Variants in BTN3A3 observed in about 807,000 individuals in gnomAD.
BTN3A3 encodes butyrophilin 3.
Under a neutral mutation model 43.2 loss-of-function variants are expected in BTN3A3, and 39 were observed. The observed-to-expected ratio is 0.90, with a 90% CI of 0.70 to 1.18. The LOEUF (loss-of-function observed/expected upper bound fraction) is 1.18. Among genes scored for constraint, BTN3A3 ranks in the 50% most tolerant of loss-of-function variants. BTN3A3 has a pLI of 0.00. For synonymous variants in BTN3A3, 255 were observed against 272.7 expected (o/e 0.93, Z 0.64); for missense variants, 631 against 722.8 (o/e 0.87, Z 1.46).
intron 5 of BTN3A3, among the ~76,000 whole-genome samples, chr6:26,448,012 A>G (rs1202308193): frequency 6.6e-6 from 1 of 152,196 alleles, no homozygotes; most frequent in African/African-American, 2.4e-5. Flanking sequence ...ACTCTGCTGA[A>G]GTTAATTTCC....
At chr6:26,446,667 G>T (rs1453701640) in intron 5 of BTN3A3, among the ~76,000 whole-genome samples, 1 of 152,048 alleles carries the variant, frequency 6.6e-6, no homozygotes, top group Non-Finnish European at 1.5e-5. Context: ...TCCAGTTCTG[G>T]GATATGCTTG....
rs1481656885 is a variant in BTN3A3, at chr6:26,444,148, T to C, written c.277T>C (p.Tyr93His). 1.9e-6 allele frequency: 3 copies of C among 1,612,358 alleles called. No homozygotes were observed. Among genetic ancestry groups the C allele is most frequent in the African/African-American group, 1.3e-5 (1 of 74,876 alleles). Residue 93 changes from tyrosine to histidine, a missense_variant, in exon 4 of 11, where the codon TAT becomes CAT. Physicochemically the swap from Tyr to His is moderately conservative, Grantham distance 83. Coordinates refer to ENST00000244519, the MANE Select transcript of BTN3A3 (RefSeq NM_006994.5). Reference sequence around the variant, plus strand: ...AGTGGAAGACAGGCAGAGTGCACCGTATCGAGGGAGAACTTCGATTCTGCG... The same window carrying C: ...AGTGGAAGACAGGCAGAGTGCACCGCATCGAGGGAGAACTTCGATTCTGCG... ...KEVEDRQSAPYRGRTSILRDG... is the reference protein window; with the variant it reads ...KEVEDRQSAPHRGRTSILRDG...
rs1203975960 is a variant in BTN3A3 at position 26,445,830 on chromosome 6, TC to T, written c.563del (p.Pro188ArgfsTer17). On this transcript the variant is annotated frameshift_variant, in exon 5 of 11. Transcript: ENST00000244519. LOFTEE classifies it high-confidence loss of function. ...TGGAGCGACACCAAGGGAGAGAACA[TC>T]CCGGCTGTGGAAGCACCTGTGGTTG... is the stretch of plus-strand genomic sequence containing the variant. ...IKWSDTKGENIPAVEAPVVAD... is the reference protein window; with the variant it reads ...IKWSDTKGENXPAVEAPVVAD... 6.2e-7 allele frequency: 1 copy of T among 1,614,134 alleles called. No homozygotes were observed. The highest frequency in any genetic ancestry group is 8.5e-7 in the Non-Finnish European group (1 of 1,180,030).
intron 1 of BTN3A3, among the ~76,000 whole-genome samples, chr6:26,441,807 A>C (rs1762643577): frequency 6.6e-6 from 1 of 152,214 alleles, no homozygotes; most frequent in Admixed American, 6.5e-5. Context: ...CTAAGATTGC[A>C]GGCATGAGCC....
rs1762976482 is a variant in BTN3A3, at chr6:26,453,410, T to A, written c.*999T>A. 6.6e-6 allele frequency: 1 copy of A among 152,228 alleles called. No homozygotes were observed. The allele number at this position is 152,228 out of a possible 1,614,324, so 9.4% of individuals were successfully genotyped here. The stretch of plus-strand genomic sequence containing the variant: ...AGTTGTTCAATAAATGTGTTAATAA[T>A]GCTTACTCCTCAGCTTGGCTTTTTC... On this transcript the variant is annotated 3_prime_UTR_variant, in exon 11 of 11. Transcript: ENST00000244519.
chr6:26,447,765 T>G (rs1762819051), intron 5 of BTN3A3, among the ~76,000 whole-genome samples: 1 of 152,278 alleles, frequency 6.6e-6, no homozygotes, highest in South Asian at 2.1e-4. Flanking sequence ...AGAGGTTATG[T>G]AAGTAGTCCA....
At chr6:26,448,684 A>G (rs960199330) in intron 7 of BTN3A3, 44 bp from the exon 8 acceptor site, 1 of 1,613,682 alleles carries the variant, frequency 6.2e-7, no homozygotes, top group Middle Eastern at 1.6e-4. Flanking sequence ...TCTTATCCCC[A>G]CTTTGAGCAC....
rs1291383929 is a variant in BTN3A3, at chr6:26,445,828, C to G, written c.558C>G (p.Asn186Lys). ...QIKWSDTKGE[N>K]IPAVEAPVVA... The stretch of plus-strand genomic sequence containing the variant: ...AGTGGAGCGACACCAAGGGAGAGAA[C>G]ATCCCGGCTGTGGAAGCACCTGTGG... The change falls in exon 5 of 11, where the codon AAC (asparagine) becomes AAG (lysine). Residue 186 changes from asparagine to lysine, a missense_variant. Coordinates refer to ENST00000244519, the MANE Select transcript of BTN3A3 (RefSeq NM_006994.5). 1.9e-6 allele frequency: 3 copies of G among 1,614,110 alleles called. No homozygotes were observed. The highest frequency in any genetic ancestry group is 2.5e-6 in the Non-Finnish European group (3 of 1,180,054).
At chr6:26,447,065 A>G (rs1211794494) in intron 5 of BTN3A3, among the ~76,000 whole-genome samples, 2 of 152,120 alleles carry the variant, frequency 1.3e-5, no homozygotes, top group African/African-American at 4.8e-5. Flanking sequence ...ATGATTGTAT[A>G]AGGTTAGAAG....
chr6:26,440,675 TG>T (rs1463704242), intron 1 of BTN3A3, 27 bp downstream of exon 1: 2 of 152,408 alleles, frequency 1.3e-5, no homozygotes, highest in African/African-American at 2.4e-5. Context: ...GATTAGAGCC[TG>T]GGCTACAATG....
At position 26,444,462 on chromosome 6, in the gene BTN3A3, A is replaced by G. The variant is rs1762721078; in HGVS notation, c.433+158A>G. On this transcript the variant is annotated intron_variant, in intron 4 of 10. Coordinates refer to ENST00000244519, the MANE Select transcript of BTN3A3 (RefSeq NM_006994.5). ...CTTCTCTGCAACCCTTAAGAAAGAC[A>G]CATTCTTTCTTTAGAAAGAATTCCT... 2.6e-6 allele frequency: 3 copies of G among 1,173,178 alleles called. No homozygotes were observed. In the African/African-American group the frequency reaches 4.7e-5, roughly 18 times the overall value. 72.7% of individuals were successfully genotyped at this position (1,173,178 alleles called of 1,614,324 possible).
At chr6:26,450,960 G>A (rs1322533727) in intron 10 of BTN3A3, among the ~76,000 whole-genome samples, 2 of 152,092 alleles carry the variant, frequency 1.3e-5, no homozygotes, top group African/African-American at 4.8e-5. Context: ...CTTCTATCAG[G>A]GCCTCCCATT....
rs760945316 is a variant in BTN3A3, at chr6:26,448,294, G to A, written c.762G>A (p.Gly254=). Reference sequence around the variant, plus strand: ...AGCCCTGGATCGCGGCCCTGGCAGGGACCCTGCCTATCTCGTTGCTGCTTC... The same window carrying A: ...AGCCCTGGATCGCGGCCCTGGCAGGAACCCTGCCTATCTCGTTGCTGCTTC... ...SAQPWIAALA[G]TLPISLLLLA... The change falls in exon 6 of 11, where the codon GGG becomes GGA. Residue 254 remains glycine (G), a synonymous_variant. Transcript: ENST00000244519. 15 of 1,613,666 alleles carry A rather than the reference G, an allele frequency of 9.3e-6. No individual in the cohort carries two copies. The highest frequency in any genetic ancestry group is 1.7e-5 in the Admixed American group (1 of 59,966).
Position 26,443,942 on chromosome 6 carries a change from C to T in BTN3A3, c.86-15C>T. On this transcript the variant is annotated splice_polypyrimidine_tract_variant and intron_variant, in intron 3 of 10. Coordinates refer to ENST00000244519, the MANE Select transcript of BTN3A3 (RefSeq NM_006994.5). ...TCCAAAACCCTCTGATGGAGCTTCC[C>T]CCTTGTGCTGACAGCTCAGTTTTCT... The T allele has an allele frequency of 6.2e-7, 1 of 1,613,890 alleles. No individual in the cohort carries two copies. Among genetic ancestry groups the T allele is most frequent in the Non-Finnish European group, 8.5e-7 (1 of 1,179,832 alleles).
Position 26,445,873 on chromosome 6 carries a change from G to A in BTN3A3, c.603G>A (p.Leu201=). Residue 201 remains leucine (L), a synonymous_variant, in exon 5 of 11, where the codon CTG becomes CTA. Transcript: ENST00000244519. ...EAPVVADGVG[L]YAVAASVIMR... ...CTGTGGTTGCAGATGGAGTGGGCCTGTATGCAGTAGCAGCATCTGTGATCA... is the reference window on the plus strand; with the variant it reads ...CTGTGGTTGCAGATGGAGTGGGCCTATATGCAGTAGCAGCATCTGTGATCA... The A allele has an allele frequency of 1.2e-6, 2 of 1,614,220 alleles. No individual in the cohort carries two copies. Among genetic ancestry groups the A allele is most frequent in the Non-Finnish European group, 1.7e-6 (2 of 1,180,042 alleles).
Position 26,444,062 on chromosome 6 carries a change from A to T in BTN3A3, c.191A>T (p.Glu64Val), listed in dbSNP as rs765360688. 1.8e-5 allele frequency: 29 copies of T among 1,613,794 alleles called. No homozygotes were observed. Among genetic ancestry groups the T allele is most frequent in the Non-Finnish European group, 2.3e-5 (27 of 1,179,860 alleles). ...CCGACCATGAGTGCAGAGACCATGG[A>T]GCTGAGGTGGGTGAGTTCCAGCCTA... ...LFPTMSAETM[E>V]LRWVSSSLRQ... The change falls in exon 4 of 11, where the codon GAG (glutamate) becomes GTG (valine). Residue 64 changes from glutamate to valine, a missense_variant. This residue lies in a region of BTN3A3 where 80 missense variants were observed against 138.7 expected (regional missense o/e 0.58). Coordinates refer to ENST00000244519, the MANE Select transcript of BTN3A3 (RefSeq NM_006994.5).
intron 5 of BTN3A3, among the ~76,000 whole-genome samples, chr6:26,447,527 T>C (rs1046593482): frequency 4.6e-5 from 7 of 152,176 alleles, no homozygotes; most frequent in African/African-American, 1.7e-4. Flanking sequence ...TATGCCCAGC[T>C]AATTTTTGTA....
chr6:26,443,799 G>A lies in BTN3A3; in HGVS notation c.85+140G>A, dbSNP rs1227860590. ...CATACCTGGAAGTCCATCCCAACCTGAAGGACCACCTGTCACAAAGAGACA... is the reference window on the plus strand; with the variant it reads ...CATACCTGGAAGTCCATCCCAACCTAAAGGACCACCTGTCACAAAGAGACA... On this transcript the variant is annotated intron_variant, in intron 3 of 10. Coordinates refer to ENST00000244519, the MANE Select transcript of BTN3A3 (RefSeq NM_006994.5). 4.7e-6 allele frequency: 7 copies of A among 1,500,384 alleles called. No homozygotes were observed. The South Asian group carries it at 5.8e-5, about 12-fold the overall frequency. 92.9% of individuals were successfully genotyped at this position (1,500,384 alleles called of 1,614,324 possible).
At position 26,450,334 on chromosome 6, in the gene BTN3A3, G is replaced by A. The variant is rs962280693; in HGVS notation, c.1018+201G>A. Reference sequence around the variant, plus strand: ...AGAGCCCAGGGAACCAGGGAGAATTGCTCTCTTGGGCTTCCTCAGACCTTC... The same window carrying A: ...AGAGCCCAGGGAACCAGGGAGAATTACTCTCTTGGGCTTCCTCAGACCTTC... On this transcript the variant is annotated intron_variant, in intron 10 of 10. Coordinates refer to ENST00000244519, the MANE Select transcript of BTN3A3 (RefSeq NM_006994.5). 1.2e-5 allele frequency: 7 copies of A among 597,222 alleles called. No individual in the cohort carries two copies. In the Admixed American group the frequency reaches 1.6e-4, roughly 13 times the overall value. The allele number at this position is 597,222 out of a possible 1,614,324, so 37.0% of individuals were successfully genotyped here.
Sources: allele counts gnomAD v4.1 joint callset (sites outside exome capture counted in the v4.1 genomes callset), GRCh38; gene constraint gnomAD v4.1.1; regional missense constraint gnomAD v4.1.1; transcripts MANE v1.5; gene names NCBI Gene and HGNC (gene_info 2026-07-23, HGNC 2026-07-21).